Variants in GSS observed in about 807,000 individuals in gnomAD.
The protein encoded by GSS is glutathione synthetase, also known as GSH synthetase.
Under a neutral mutation model 60.4 loss-of-function variants are expected in GSS, and 34 were observed. That is an observed-to-expected ratio of 0.56 (90% CI 0.43 to 0.75). GSS has a LOEUF of 0.75. GSS is among the 30% of genes least tolerant of loss of function. GSS has a pLI of 0.00. For synonymous variants in GSS, 224 were observed against 239.0 expected, an observed-to-expected ratio of 0.94 and a Z score of 0.58; for missense variants, 499 against 595.1, an observed-to-expected ratio of 0.84 and a Z score of 1.68.
chr20:34,937,852 A>G (rs950750238), intron 6 of GSS, among the ~76,000 whole-genome samples: 1 of 151,964 alleles, frequency 6.6e-6, no homozygotes, highest in Non-Finnish European at 1.5e-5. Flanking sequence ...TTTTTCTTTT[A>G]CATTTTATTT....
chr20:34,951,383 C>T (rs2081567040), intron 2 of GSS: 1 of 294,074 alleles, frequency 3.4e-6, no homozygotes, highest in Non-Finnish European at 6.5e-6. Flanking sequence ...ATGGGGTTTT[C>T]AGTAATAGCT....
chr20:34,936,795 C>T lies in GSS; in HGVS notation c.735G>A (p.Lys245=). 1 of 1,614,116 alleles carries T rather than the reference C, an allele frequency of 6.2e-7. No individual in the cohort carries two copies. Among genetic ancestry groups the T allele is most frequent in the Non-Finnish European group, 8.5e-7 (1 of 1,179,978 alleles). ...IRRTFEDISE[K]GSLDQDRRLF... is the part of the protein sequence containing the mutation. ...GCCTTCGGTCTTGGTCCAGAGACCC[C>T]TTTTCAGAGATATCTTCAAATGTTC... The change falls in exon 8 of 13, where the codon AAG becomes AAA. Residue 245 remains lysine, a synonymous_variant. Transcript: ENST00000651619.
chr20:34,935,402 A>C (rs143727784), intron 9 of GSS, among the ~76,000 whole-genome samples, 174 bp downstream of exon 9: 1 of 152,240 alleles, frequency 6.6e-6, no homozygotes, highest in African/African-American at 2.4e-5. Context: ...GACTGTGTAG[A>C]GTGATAGGTA....
chr20:34,944,177 T>C (rs578178365), intron 3 of GSS, among the ~76,000 whole-genome samples: 1 of 152,262 alleles, frequency 6.6e-6, no homozygotes, highest in Admixed American at 6.5e-5. Context: ...ACACTTTCCT[T>C]TTTCTGAAGA....
At chr20:34,955,460 C>A (rs1027867409) in intron 1 of GSS, 10 of 152,264 alleles carry the variant, frequency 6.6e-5, no homozygotes, top group Non-Finnish European at 1.3e-4. Flanking sequence ...TAATCGCTCC[C>A]CGTTGTAGCT....
chr20:34,943,778 A>G (rs537777893), intron 3 of GSS, among the ~76,000 whole-genome samples: 2 of 152,196 alleles, frequency 1.3e-5, no homozygotes, highest in Non-Finnish European at 2.9e-5. Context: ...GTTTGACTAT[A>G]AACCTCATGA....
intron 1 of GSS, 28 bp from the exon 2 acceptor site, chr20:34,951,888 G>A: frequency 4.3e-6 from 7 of 1,612,056 alleles, no homozygotes; most frequent in South Asian, 1.1e-5. Context: ...AAGAGAGTTG[G>A]TAACAGATGG....
chr20:34,937,949 CT>C (rs1372263962), intron 6 of GSS, among the ~76,000 whole-genome samples: 1 of 152,184 alleles, frequency 6.6e-6, no homozygotes, highest in Non-Finnish European at 1.5e-5. Flanking sequence ...CCTCCACCCC[CT>C]GGGTTCCAGC....
At chr20:34,947,746 T>C (rs910907698) in intron 2 of GSS, among the ~76,000 whole-genome samples, 12 of 152,234 alleles carry the variant, frequency 7.9e-5, no homozygotes, top group Admixed American at 7.2e-4. Flanking sequence ...TACCATAATT[T>C]ATTGAATCTA....
At chr20:34,955,188 GTGTT>G (rs553753158) in intron 1 of GSS, 1 of 152,216 alleles carries the variant, frequency 6.6e-6, no homozygotes, top group Admixed American at 6.5e-5. Context: ...CGTAGGAACA[GTGTT>G]TGTCTTGATC....
intron 1 of GSS, among the ~76,000 whole-genome samples, chr20:34,953,225 C>T (rs967483739): frequency 6.6e-6 from 1 of 152,178 alleles, no homozygotes; most frequent in Admixed American, 6.5e-5. Flanking sequence ...ACATGGTTGC[C>T]CAACTCAGTG....
chr20:34,952,185 C>T, intron 1 of GSS: 1 of 391,762 alleles, frequency 2.6e-6, no homozygotes, highest in Non-Finnish European at 4.9e-6. Context: ...TGGACTTGAA[C>T]CCATGTCTCT....
At chr20:34,939,948 G>A (rs1038113007) in intron 6 of GSS, among the ~76,000 whole-genome samples, 1 of 152,156 alleles carries the variant, frequency 6.6e-6, no homozygotes, top group Admixed American at 6.5e-5. Context: ...GGGATTAGAG[G>A]TGTGAGCCAC....
intron 3 of GSS, among the ~76,000 whole-genome samples, chr20:34,945,472 GCCCAGTCTGTAC>G (rs1320233465): frequency 2.0e-5 from 3 of 151,860 alleles, no homozygotes; most frequent in African/African-American, 7.2e-5. Flanking sequence ...CCTGAGTGTG[GCCCAGTCTGTAC>G]CCCATCCCAT....
At chr20:34,945,198 T>A (rs2081511399) in intron 3 of GSS, among the ~76,000 whole-genome samples, 1 of 151,764 alleles carries the variant, frequency 6.6e-6, no homozygotes, top group African/African-American at 2.4e-5. Flanking sequence ...TTTTTTTATA[T>A]TTTTAGTAGA....
At position 34,931,818 on chromosome 20, in the gene GSS, C is replaced by T. The variant is rs2081403572; in HGVS notation, c.1029+121G>A. 3 of 905,444 alleles carry T rather than the reference C, an allele frequency of 3.3e-6. No homozygotes were observed. In the East Asian group the frequency reaches 7.7e-5, roughly 23 times the overall value. The allele number at this position is 905,444 out of a possible 1,614,324, so 56.1% of individuals were successfully genotyped here. ...TTCTAGGGGTTCTCCAGAGCATCACCAACCTTGCCAGCTCCACCTTCCCCT... is the reference window on the plus strand; with the variant it reads ...TTCTAGGGGTTCTCCAGAGCATCACTAACCTTGCCAGCTCCACCTTCCCCT... On this transcript the variant is annotated intron_variant, in intron 10 of 12. Coordinates refer to ENST00000651619, the MANE Select transcript of GSS (RefSeq NM_000178.4).
intron 1 of GSS, 189 bp downstream of exon 1, chr20:34,955,538 G>A (rs935221726): frequency 1.3e-5 from 2 of 152,420 alleles, no homozygotes; most frequent in Admixed American, 6.5e-5. Context: ...AGAAGATCCG[G>A]AAAGTCTGGG....
At chr20:34,935,664 G>A in intron 8 of GSS, 22 bp from the exon 9 acceptor site, 1 of 1,563,804 alleles carries the variant, frequency 6.4e-7, no homozygotes, top group East Asian at 2.2e-5. Context: ...GATGGAGAAG[G>A]CTGCTGTGTT....
In GSS at chr20:34,941,954, A is replaced by G. The variant is rs2081486330; in HGVS notation, c.492-125T>C. On this transcript the variant is annotated intron_variant, in intron 5 of 12. Transcript: ENST00000651619. The stretch of plus-strand genomic sequence containing the variant: ...GAGCACTAAAAAGCATCCTCCCATC[A>G]CATTCCTGTAAGATCCACTTCAGGT... 1.5e-5 allele frequency: 11 copies of G among 743,422 alleles called. No individual in the cohort carries two copies. In the South Asian group the frequency reaches 1.5e-4, roughly 10 times the overall value. The allele number at this position is 743,422 out of a possible 1,614,324, so 46.1% of individuals were successfully genotyped here. A position where few individuals can be genotyped will look rare whatever the true frequency, so the allele number is the denominator to read the frequency against.
Sources: gnomAD v4.1 joint callset for allele counts (sites outside exome capture counted in the v4.1 genomes callset) on GRCh38, gnomAD v4.1.1 for gene constraint, MANE v1.5 for transcripts, NCBI Gene and HGNC (gene_info 2026-07-23, HGNC 2026-07-21) for gene names.